MTFR2: variants seen among roughly 807,000 people sequenced by gnomAD.
MTFR2 encodes mitochondrial fission regulator 2.
MTFR2 carries 44 observed loss-of-function variants against 41.2 expected under a neutral mutation model. The observed-to-expected ratio is 1.07, with a 90% CI of 0.84 to 1.37. MTFR2 has a LOEUF of 1.37. Ranked by LOEUF, MTFR2 falls within the 40% of genes most tolerant of loss-of-function variation. MTFR2 has a pLI of 0.00. For synonymous variants in MTFR2, 141 were observed against 154.6 expected, an observed-to-expected ratio of 0.91 and a Z score of 0.65; for missense variants, 452 against 459.5, an observed-to-expected ratio of 0.98 and a Z score of 0.15.
chr6:136,240,820 G>C (rs565459244), intron 5 of MTFR2, among the ~76,000 whole-genome samples: 8 of 152,136 alleles, frequency 5.3e-5, no homozygotes, highest in Non-Finnish European at 1.2e-4. Context: ...GGCCGGGCGC[G>C]GTGGCTCACG....
chr6:136,237,260 C>T (rs549953006), intron 6 of MTFR2, among the ~76,000 whole-genome samples: 165 of 152,330 alleles, frequency 1.1e-3, no homozygotes, highest in Middle Eastern at 6.8e-3. Context: ...ATAAGCCCAC[C>T]TCACACAAAG....
rs150719516 is a variant in MTFR2, at chr6:136,250,256, C to A, written c.-335G>T. The A allele has an allele frequency of 6.3e-4, 96 of 153,028 alleles. 1 individual carries two copies. The East Asian group carries it at 0.018, about 28-fold the overall frequency. 9.5% of individuals were successfully genotyped at this position (153,028 alleles called of 1,614,324 possible). ...GCGCCCCCGTCCTCCTGCGCCCAAC[C>A]AACCCACCTGCTAGTCCCTAGGACC... On this transcript the variant is annotated 5_prime_UTR_variant, in exon 1 of 8. Transcript: ENST00000420702.
intron 5 of MTFR2, among the ~76,000 whole-genome samples, chr6:136,240,753 G>A: frequency 6.6e-6 from 1 of 152,118 alleles, no homozygotes; most frequent in Admixed American, 6.6e-5. Flanking sequence ...TCAAACCAAT[G>A]CATTCTTCCT....
intron 6 of MTFR2, among the ~76,000 whole-genome samples, chr6:136,238,863 T>C (rs1779974234): frequency 6.6e-6 from 1 of 152,078 alleles, no homozygotes; most frequent in Admixed American, 6.6e-5. Flanking sequence ...GCTCAGGAGT[T>C]AGAGACCAGC....
intron 2 of MTFR2, chr6:136,247,376 C>T: frequency 2.8e-6 from 1 of 362,018 alleles, no homozygotes; most frequent in Non-Finnish European, 5.4e-6. Context: ...TCTTTTCACT[C>T]TCTCTCACTT....
chr6:136,242,811 G>C, intron 4 of MTFR2, 50 bp downstream of exon 4: 6 of 1,406,146 alleles, frequency 4.3e-6, no homozygotes, highest in Non-Finnish European at 6.0e-6. Context: ...TTCGACACAT[G>C]CAAGAATTCA....
At chr6:136,232,264 T>A (rs140283881) in intron 7 of MTFR2, among the ~76,000 whole-genome samples, 1,796 of 152,170 alleles carry the variant, frequency 0.012, 14 homozygotes, top group Non-Finnish European at 0.019. Context: ...TTTCTTTTTT[T>A]GTTTTTTTTG....
At chr6:136,235,483 G>T (rs1779879046) in intron 6 of MTFR2, among the ~76,000 whole-genome samples, 1 of 152,082 alleles carries the variant, frequency 6.6e-6, no homozygotes, top group Non-Finnish European at 1.5e-5. Context: ...CTCACCAAAG[G>T]AAACAGCATG....
intron 3 of MTFR2, 71 bp downstream of exon 3, chr6:136,244,694 C>T (rs1780169175): frequency 9.4e-7 from 1 of 1,059,742 alleles, no homozygotes; most frequent in Admixed American, 1.8e-5. Flanking sequence ...TGTTGTTCTA[C>T]CCCATACCTG....
At chr6:136,246,147 G>C (rs530531532) in intron 2 of MTFR2, among the ~76,000 whole-genome samples, 3 of 152,128 alleles carry the variant, frequency 2.0e-5, no homozygotes, top group Non-Finnish European at 4.4e-5. Context: ...CCAAGAGTTG[G>C]GTTAGTTCTT....
intron 5 of MTFR2, among the ~76,000 whole-genome samples, chr6:136,241,039 C>T (rs897782069): frequency 2.7e-5 from 4 of 145,966 alleles, no homozygotes; most frequent in Middle Eastern, 3.7e-3. Context: ...TGCAGTGAGC[C>T]AAGATCGTGC....
chr6:136,248,937 A>C, intron 2 of MTFR2, 100 bp downstream of exon 2: 1 of 1,037,934 alleles, frequency 9.6e-7, no homozygotes, highest in Non-Finnish European at 1.4e-6. Context: ...AAAAGAAGCA[A>C]CAACTTTGCC....
chr6:136,240,545 G>A (rs1433282146), intron 5 of MTFR2, among the ~76,000 whole-genome samples: 1 of 152,086 alleles, frequency 6.6e-6, no homozygotes, highest in Non-Finnish European at 1.5e-5. Flanking sequence ...AAAGCATTCA[G>A]TACCTAGATT....
intron 2 of MTFR2, 62 bp downstream of exon 2, chr6:136,248,974 AT>A: frequency 1.4e-6 from 2 of 1,448,372 alleles, no homozygotes. Flanking sequence ...CATATAAGTC[AT>A]TTTCAAAATG....
intron 2 of MTFR2, among the ~76,000 whole-genome samples, chr6:136,246,335 G>A (rs1037304636): frequency 5.3e-5 from 8 of 151,606 alleles, no homozygotes; most frequent in Non-Finnish European, 1.2e-4. Context: ...CCAGGCTGGA[G>A]TGCAGGGCAT....
intron 3 of MTFR2, among the ~76,000 whole-genome samples, chr6:136,243,966 A>T (rs1462044180): frequency 1.3e-5 from 2 of 152,130 alleles, no homozygotes; most frequent in African/African-American, 2.4e-5. Context: ...TAAAAAATTT[A>T]AAAATTTTTA....
Position 136,231,267 on chromosome 6 carries a change from A to T in MTFR2, c.*8T>A, listed in dbSNP as rs763404708. Reference sequence around the variant, plus strand: ...TTTGGAAGTTTAAAGCTCAACCTTAAGTTGAGTTTAAATCCTTGAGTTTAG... The same window carrying T: ...TTTGGAAGTTTAAAGCTCAACCTTATGTTGAGTTTAAATCCTTGAGTTTAG... On this transcript the variant is annotated 3_prime_UTR_variant, in exon 8 of 8. Coordinates refer to ENST00000420702, the MANE Select transcript of MTFR2 (RefSeq NM_001099286.3). 5 of 1,554,744 alleles carry T rather than the reference A, an allele frequency of 3.2e-6. No homozygotes were observed. The highest frequency in any genetic ancestry group is 4.4e-6 in the Non-Finnish European group (5 of 1,130,416).
chr6:136,245,574 T>C (rs191710120), intron 2 of MTFR2, among the ~76,000 whole-genome samples: 1 of 152,316 alleles, frequency 6.6e-6, no homozygotes, highest in Non-Finnish European at 1.5e-5. Flanking sequence ...CCAACTGATA[T>C]AGGTAGCCAC....
intron 3 of MTFR2, among the ~76,000 whole-genome samples, chr6:136,243,863 T>C (rs951093242): frequency 2.0e-5 from 3 of 152,042 alleles, no homozygotes; most frequent in Admixed American, 6.6e-5. Context: ...GATGTGGAGG[T>C]AGAAGGCAGT....
Sources: gnomAD v4.1 joint callset for allele counts (sites outside exome capture counted in the v4.1 genomes callset) on GRCh38, gnomAD v4.1.1 for gene constraint, MANE v1.5 for transcripts, NCBI Gene and HGNC (gene_info 2026-07-23, HGNC 2026-07-21) for gene names.